The following SLC17A1 variants were observed in gnomAD, a reference collection of about 807,000 sequenced individuals.
SLC17A1 encodes the protein solute carrier family 17 member 1, also known as sodium-dependent phosphate transport protein 1.
Under a neutral mutation model 53.5 loss-of-function variants are expected in SLC17A1, and 51 were observed. That is an observed-to-expected ratio of 0.95 (90% confidence interval 0.76 to 1.20). The LOEUF is 1.20. Among genes scored for constraint, SLC17A1 ranks in the 50% most tolerant of loss-of-function variants. The probability of loss-of-function intolerance (pLI) is 0.00; values close to 1 mark genes in which losing one functional copy is unlikely to be tolerated. For missense variants in SLC17A1, 538 were observed against 568.2 expected, an observed-to-expected ratio of 0.95 and a Z score of 0.54; for synonymous variants, 179 against 198.8, an observed-to-expected ratio of 0.90 and a Z score of 0.84.
chr6:25,783,829 G>A (rs1404174389), intron 12 of SLC17A1, among the ~76,000 whole-genome samples: 1 of 149,622 alleles, frequency 6.7e-6, no homozygotes, highest in Non-Finnish European at 1.5e-5. Context: ...ACCCAAAAGT[G>A]TCACTAGTCC....
chr6:25,776,878 T>C, the SLC17A1 span: 9 of 1,613,850 alleles, frequency 5.6e-6, no homozygotes, highest in Admixed American at 5.0e-5. Flanking sequence ...AGCATGACCA[T>C]GACCTTCTTG....
chr6:25,830,389 G>T (rs1272902602), intron 2 of SLC17A1, 135 bp downstream of exon 2: 4 of 654,026 alleles, frequency 6.1e-6, no homozygotes, highest in Non-Finnish European at 1.1e-5. Context: ...TAGTAGGACT[G>T]GTTTCTTCTA....
the SLC17A1 span, among the ~76,000 whole-genome samples, chr6:25,727,744 A>C: frequency 6.6e-6 from 1 of 152,052 alleles, no homozygotes. Flanking sequence ...AATCCTTGCT[A>C]GGCACCGTGA....
chr6:25,830,936 T>C lies in SLC17A1; in HGVS notation c.-50-329A>G, dbSNP rs1318719466. ...AGTAGACCTGCCCTGTAAGGAACAC[T>C]AAAAGAAGCCTTTCAGGCAGAAGGA... is the stretch of plus-strand genomic sequence containing the variant. On this transcript the variant is annotated intron_variant, in intron 1 of 12. Coordinates refer to ENST00000244527, the MANE Select transcript of SLC17A1 (RefSeq NM_005074.5). Among the ~76,000 whole-genome samples the C allele has an allele frequency of 2.6e-5, 4 of 152,034 alleles. No individual in the cohort carries two copies. In the East Asian group the frequency reaches 7.7e-4, roughly 29 times the overall value.
the SLC17A1 span, chr6:25,732,451 A>G: frequency 4.4e-5 from 13 of 296,778 alleles, no homozygotes; most frequent in East Asian, 1.1e-3. Context: ...GCTATGTCTT[A>G]GACTAGGGAA....
chr6:25,726,871 A>G, the SLC17A1 span: 22 of 1,576,118 alleles, frequency 1.4e-5, 1 homozygote, highest in African/African-American at 5.4e-5. Flanking sequence ...GTAACCCTGG[A>G]AAAGAACCGT....
chr6:25,805,640 G>A lies in SLC17A1; in HGVS notation c.1179-4660C>T, dbSNP rs190831768. Among the ~76,000 whole-genome samples the A allele has an allele frequency of 2.7e-3, 410 of 151,872 alleles. 2 individuals are homozygous for A. Among genetic ancestry groups the A allele is most frequent in the Non-Finnish European group, 4.7e-3 (322 of 67,800 alleles). On this transcript the variant is annotated intron_variant, in intron 10 of 12. Transcript: ENST00000244527. ...ATTAGCTAGATTAACCAAAAAAAGA[G>A]GAGAGAAGATTCAAATAAAACACAA...
the SLC17A1 span, chr6:25,777,788 G>C: frequency 4.5e-6 from 3 of 661,328 alleles, no homozygotes; most frequent in South Asian, 1.8e-5. Flanking sequence ...CATCTCCAGA[G>C]GTAAGCACAG....
intron 12 of SLC17A1, among the ~76,000 whole-genome samples, chr6:25,784,088 G>T (rs1156421841): frequency 6.6e-6 from 1 of 152,054 alleles, no homozygotes; most frequent in Non-Finnish European, 1.5e-5. Flanking sequence ...CTTCCTTTTT[G>T]TATTTGAAGT....
At chr6:25,822,942 A>G (rs1263227339) in intron 3 of SLC17A1, among the ~76,000 whole-genome samples, 1 of 151,450 alleles carries the variant, frequency 6.6e-6, no homozygotes, top group African/African-American at 2.4e-5. Flanking sequence ...ACTTCCTCCT[A>G]TTTTTTTTGT....
chr6:25,765,908 C>T, the SLC17A1 span, among the ~76,000 whole-genome samples: 1 of 151,894 alleles, frequency 6.6e-6, no homozygotes, highest in Non-Finnish European at 1.5e-5. Flanking sequence ...AAAAATGATG[C>T]TACTCAAGGC....
rs181733237 is a variant in SLC17A1, at chr6:25,819,549, G to A, written c.491C>T (p.Pro164Leu). ...QFEIYVKWAP[P>L]LERGRLTSMS... The stretch of plus-strand genomic sequence containing the variant: ...AGAAGTAAGTCGGCCTCGTTCCAGG[G>A]GAGGAGCCCATTTGACATATATTTC... Residue 164 changes from proline to leucine, a missense_variant, in exon 5 of 13, where the codon CCC (proline) becomes CTC (leucine). Coordinates refer to ENST00000244527, the MANE Select transcript of SLC17A1 (RefSeq NM_005074.5). 2.0e-5 allele frequency: 32 copies of A among 1,614,120 alleles called. No homozygotes were observed. Among genetic ancestry groups the A allele is most frequent in the Non-Finnish European group, 3.4e-6 (4 of 1,179,992 alleles).
the SLC17A1 span, chr6:25,726,099 C>T: frequency 6.7e-7 from 1 of 1,487,046 alleles, no homozygotes; most frequent in South Asian, 1.4e-5. Context: ...TTTTTTCTGA[C>T]ACAGAAGTCT....
At chr6:25,798,093 A>T (rs1763642122) in intron 12 of SLC17A1, among the ~76,000 whole-genome samples, 1 of 152,194 alleles carries the variant, frequency 6.6e-6, no homozygotes, top group African/African-American at 2.4e-5. Flanking sequence ...CAATGTCTTC[A>T]TGCCTCTCTT....
intron 6 of SLC17A1, among the ~76,000 whole-genome samples, chr6:25,814,898 A>G (rs995817896): frequency 1.3e-5 from 2 of 151,910 alleles, no homozygotes; most frequent in African/African-American, 2.4e-5. Context: ...CGGCAGGAGA[A>G]TCGCTTAAAT....
intron 10 of SLC17A1, among the ~76,000 whole-genome samples, chr6:25,805,286 C>T (rs745559319): frequency 6.6e-6 from 1 of 152,024 alleles, no homozygotes; most frequent in South Asian, 2.1e-4. Context: ...AATTAATCTG[C>T]TCCAGAATGG....
At chr6:25,765,584 A>G in the SLC17A1 span, among the ~76,000 whole-genome samples, 49 of 152,342 alleles carry the variant, frequency 3.2e-4, no homozygotes, top group African/African-American at 1.2e-3. Context: ...CATAGAGTGT[A>G]GGAAGTAAAT....
rs148392743 is a variant in SLC17A1, at chr6:25,796,142, C to T, written c.*2+2641G>A. 7.0e-3 allele frequency among the ~76,000 whole-genome samples: 1,067 copies of T among 152,174 alleles called. 14 individuals carry two copies. Among genetic ancestry groups the T allele is most frequent in the African/African-American group, 0.023 (966 of 41,528 alleles). On this transcript the variant is annotated intron_variant, in intron 12 of 12. Transcript: ENST00000244527. ...AATGTCTATGGGATATTTTCTAGTGCTGTTATATGCTTATTTATAAGGACA... is the reference window on the plus strand; with the variant it reads ...AATGTCTATGGGATATTTTCTAGTGTTGTTATATGCTTATTTATAAGGACA...
At chr6:25,804,198 C>A (rs1310803052) in intron 10 of SLC17A1, among the ~76,000 whole-genome samples, 2 of 152,134 alleles carry the variant, frequency 1.3e-5, no homozygotes, top group African/African-American at 4.8e-5. Flanking sequence ...GAATTCTCAG[C>A]AGAAACCTTA....
Sources: allele counts gnomAD v4.1 joint callset (sites outside exome capture counted in the v4.1 genomes callset), GRCh38; gene constraint gnomAD v4.1.1; transcripts MANE v1.5; gene names NCBI Gene and HGNC (gene_info 2026-07-23, HGNC 2026-07-21).